The following DSCAM variants were observed in gnomAD, a reference collection of about 807,000 sequenced individuals.
The protein encoded by DSCAM is cell adhesion molecule DSCAM.
In DSCAM, 47 loss-of-function variants were observed where a neutral mutation model predicts 217.7. The ratio of observed to expected loss-of-function variants is 0.22; its 90% CI spans 0.17 to 0.28. DSCAM has a LOEUF of 0.28. Ranked by LOEUF, DSCAM falls within the 10% of genes least tolerant of loss-of-function variation. DSCAM has a pLI of 1.00. For synonymous variants in DSCAM, 1,056 were observed against 1,015.3 expected, an observed-to-expected ratio of 1.04 and a Z score of -0.76; for missense variants, 2,080 against 2,618.3, an observed-to-expected ratio of 0.79 and a Z score of 4.49.
intron 16 of DSCAM, among the ~76,000 whole-genome samples, chr21:40,155,215 C>T (rs2090463353): frequency 6.6e-6 from 1 of 152,190 alleles, no homozygotes; most frequent in African/African-American, 2.4e-5. Flanking sequence ...CTGCCAAGGA[C>T]CACACAAGGG....
At chr21:40,609,365 C>G (rs1008621387) in intron 3 of DSCAM, among the ~76,000 whole-genome samples, 1 of 152,192 alleles carries the variant, frequency 6.6e-6, no homozygotes, top group Non-Finnish European at 1.5e-5. Context: ...AGAAGCAATT[C>G]AACAAAATTG....
At chr21:40,409,610 C>T (rs961548912) in intron 3 of DSCAM, among the ~76,000 whole-genome samples, 1 of 152,192 alleles carries the variant, frequency 6.6e-6, no homozygotes, top group Non-Finnish European at 1.5e-5. Context: ...GAAGATTAGC[C>T]AAGGCTACGG....
chr21:40,320,708 G>A lies in DSCAM; in HGVS notation c.1784-8349C>T, dbSNP rs541756115. Among the ~76,000 whole-genome samples the A allele has an allele frequency of 3.3e-5, 5 of 152,286 alleles. No individual in the cohort carries two copies. In the South Asian group the frequency reaches 1.0e-3, roughly 32 times the overall value. On this transcript the variant is annotated intron_variant, in intron 8 of 32. Transcript: ENST00000400454. ...ATCAGGCAAAGAGAATGAGGAAGAC[G>A]CAAAAGCGGAAATCCCTGATAAAAC... is the stretch of plus-strand genomic sequence containing the variant.
intron 25 of DSCAM, among the ~76,000 whole-genome samples, chr21:40,079,939 T>C (rs2089430043): frequency 6.6e-6 from 1 of 152,066 alleles, no homozygotes; most frequent in African/African-American, 2.4e-5. Context: ...ATTCTTCTTT[T>C]TAACTGCAAA....
intron 3 of DSCAM, among the ~76,000 whole-genome samples, chr21:40,517,051 T>TGTATATATATATATACCTTATAC (rs2076306601): frequency 6.8e-6 from 1 of 147,878 alleles, no homozygotes; most frequent in African/African-American, 2.5e-5. Context: ...ATACCTTATA[T>TGTATATATATATATACCTTATAC]ACTCTGTGTA....
At chr21:40,155,983 A>G (rs1023922969) in intron 16 of DSCAM, among the ~76,000 whole-genome samples, 1 of 152,042 alleles carries the variant, frequency 6.6e-6, no homozygotes, top group Non-Finnish European at 1.5e-5. Context: ...GTGCTCTGAC[A>G]TGCACACAGG....
intron 3 of DSCAM, among the ~76,000 whole-genome samples, chr21:40,566,595 A>G (rs1386443956): frequency 6.6e-6 from 1 of 152,182 alleles, no homozygotes; most frequent in Non-Finnish European, 1.5e-5. Flanking sequence ...TGAGTTTCAG[A>G]TTATTTCTAA....
In DSCAM at chr21:40,133,907, C is replaced by G; in HGVS notation, c.3509G>C (p.Arg1170Pro). ...NYSIQVLAFT[R>P]AGDGVRSEQI... ...CTCACTCCTGACCCCGTCTCCTGCG[C>G]GGGTGAAGGCCAGCACCTGGATGCT... Residue 1170 changes from arginine (R) to proline (P), a missense_variant, in exon 19 of 33, where the codon CGC (arginine) becomes CCC (proline). By Grantham distance (103) the Arg-to-Pro change is moderately radical. This residue lies in a region of DSCAM where 1,144 missense variants were observed against 1,421.1 expected (regional missense o/e 0.81). Transcript: ENST00000400454. The G allele has an allele frequency of 5.0e-6, 8 of 1,613,706 alleles. No individual in the cohort carries two copies. Among genetic ancestry groups the G allele is most frequent in the Non-Finnish European group, 6.8e-6 (8 of 1,179,820 alleles).
chr21:40,718,704 C>G (rs539924356), intron 1 of DSCAM, among the ~76,000 whole-genome samples: 109 of 152,060 alleles, frequency 7.2e-4, no homozygotes, highest in Non-Finnish European at 1.3e-3. Flanking sequence ...CAAGAAGAGA[C>G]AAAAACCAGA....
intron 14 of DSCAM, among the ~76,000 whole-genome samples, chr21:40,186,881 A>G (rs191783284): frequency 6.6e-6 from 1 of 152,284 alleles, no homozygotes; most frequent in East Asian, 1.9e-4. Context: ...AATATCAAGG[A>G]GTCCAGCAGG....
intron 3 of DSCAM, among the ~76,000 whole-genome samples, chr21:40,471,352 C>T (rs757217657): frequency 3.3e-5 from 5 of 152,142 alleles, no homozygotes; most frequent in Non-Finnish European, 5.9e-5. Context: ...TCCTTCCTTC[C>T]ACAACTATGG....
intron 8 of DSCAM, among the ~76,000 whole-genome samples, chr21:40,337,589 CA>C (rs1400460896): frequency 1.3e-5 from 2 of 152,038 alleles, no homozygotes; most frequent in Non-Finnish European, 2.9e-5. Flanking sequence ...TGTCATGATG[CA>C]AAGAATAATT....
At chr21:40,839,721 C>T (rs1236823759) in intron 1 of DSCAM, among the ~76,000 whole-genome samples, 1 of 151,992 alleles carries the variant, frequency 6.6e-6, no homozygotes, top group Non-Finnish European at 1.5e-5. Flanking sequence ...GAGGTGATCT[C>T]TTGCATTTTC....
intron 32 of DSCAM, among the ~76,000 whole-genome samples, chr21:40,029,121 AT>A (rs1488373180): frequency 2.6e-5 from 4 of 152,142 alleles, no homozygotes; most frequent in Non-Finnish European, 5.9e-5. Context: ...AAGTTTAACA[AT>A]TTTTTTTCCT....
intron 20 of DSCAM, among the ~76,000 whole-genome samples, chr21:40,108,760 C>T (rs1171011472): frequency 6.6e-6 from 1 of 152,116 alleles, no homozygotes; most frequent in African/African-American, 2.4e-5. Flanking sequence ...TACTACAGGG[C>T]TACAGTAACC....
intron 3 of DSCAM, among the ~76,000 whole-genome samples, chr21:40,582,790 A>G (rs74811265): frequency 0.04 from 6,100 of 152,260 alleles, 164 homozygotes; most frequent in Middle Eastern, 0.13. Context: ...GAGTGTCTAG[A>G]ACACAGTGCC....
In DSCAM at chr21:40,430,708, G is replaced by A. The variant is rs529161169; in HGVS notation, c.509-61463C>T. Among the ~76,000 whole-genome samples the A allele has an allele frequency of 9.1e-4, 138 of 152,304 alleles. 1 individual carries two copies. Among genetic ancestry groups the A allele is most frequent in the Middle Eastern group, 3.4e-3 (1 of 294 alleles). ...AGTGAAGAGTGGTTTTCAGGGCCCT[G>A]GCTCTACCGCTGGACTCCTGTCTAT... On this transcript the variant is annotated intron_variant, in intron 3 of 32. Coordinates refer to ENST00000400454, the MANE Select transcript of DSCAM (RefSeq NM_001389.5).
intron 1 of DSCAM, among the ~76,000 whole-genome samples, chr21:40,797,140 G>A (rs1187488009): frequency 1.3e-5 from 2 of 152,088 alleles, no homozygotes; most frequent in African/African-American, 4.8e-5. Context: ...ATGCTTGTAG[G>A]GGAAAAAATG....
chr21:40,020,136 C>T (rs551958645), intron 32 of DSCAM, among the ~76,000 whole-genome samples: 30 of 152,306 alleles, frequency 2.0e-4, no homozygotes, highest in African/African-American at 7.0e-4. Context: ...ATACTGTTCT[C>T]ATGGTAGTGG....
Sources: allele counts gnomAD v4.1 joint callset (sites outside exome capture counted in the v4.1 genomes callset), GRCh38; gene constraint gnomAD v4.1.1; regional missense constraint gnomAD v4.1.1; transcripts MANE v1.5; gene names NCBI Gene and HGNC (gene_info 2026-07-23, HGNC 2026-07-21).